The following ADAM19 variants were observed in gnomAD, a reference collection of about 807,000 sequenced individuals.
ADAM19 encodes the protein ADAM metallopeptidase domain 19, also known as disintegrin and metalloproteinase domain-containing protein 19.
ADAM19 carries 65 observed loss-of-function variants against 114.7 expected under a neutral mutation model. The observed-to-expected ratio is 0.57, with a 90% CI of 0.46 to 0.70. The LOEUF (loss-of-function observed/expected upper bound fraction) is 0.70, where lower values mean the gene tolerates loss of function less well. Among genes scored for constraint, ADAM19 ranks in the 30% least tolerant of loss-of-function variants. The pLI is 0.00. For missense variants in ADAM19, 1,063 were observed against 1,204.7 expected (o/e 0.88, Z 1.74); for synonymous variants, 466 against 460.5 (o/e 1.01, Z -0.15).
At chr5:157,482,757 G>A (rs913664329) in intron 21 of ADAM19, among the ~76,000 whole-genome samples, 9 of 152,170 alleles carry the variant, frequency 5.9e-5, no homozygotes, top group East Asian at 1.9e-4. Flanking sequence ...ACATGTACAC[G>A]TATGTTTATT....
Position 157,572,808 on chromosome 5 carries a change from G to A in ADAM19, c.95-1828C>T, listed in dbSNP as rs146781067. ...TCACAACCTGTAATCTCAGCACTTT[G>A]GAGGTCCGAGGTGGGCGGATCACCT... On this transcript the variant is annotated intron_variant, in intron 1 of 22. Transcript: ENST00000257527. Among the ~76,000 whole-genome samples, 43 of 152,306 alleles carry A rather than the reference G, an allele frequency of 2.8e-4. No individual in the cohort carries two copies. In the East Asian group the frequency reaches 8.3e-3, roughly 29 times the overall value.
At chr5:157,542,064 T>C (rs1386970849) in intron 3 of ADAM19, among the ~76,000 whole-genome samples, 1 of 152,188 alleles carries the variant, frequency 6.6e-6, no homozygotes, top group Non-Finnish European at 1.5e-5. Flanking sequence ...ATTTATACCC[T>C]GATGATGCCT....
At chr5:157,495,421 G>A (rs1304202317) in intron 14 of ADAM19, among the ~76,000 whole-genome samples, 1 of 152,100 alleles carries the variant, frequency 6.6e-6, no homozygotes, top group Non-Finnish European at 1.5e-5. Context: ...TAAAAAATAG[G>A]TCATACATGC....
intron 3 of ADAM19, among the ~76,000 whole-genome samples, chr5:157,543,928 CT>C (rs1248490824): frequency 6.6e-6 from 1 of 152,122 alleles, no homozygotes; most frequent in Non-Finnish European, 1.5e-5. Flanking sequence ...TTCTAAGATG[CT>C]GAAAGAAAAG....
In ADAM19 at chr5:157,530,848, T is replaced by C. The variant is rs2113755758; in HGVS notation, c.366A>G (p.Thr122=). 1 of 1,614,202 alleles carries C rather than the reference T, an allele frequency of 6.2e-7. No homozygotes were observed. The highest frequency in any genetic ancestry group is 1.6e-4 in the Middle Eastern group (1 of 6,062). The change falls in exon 5 of 23, where the codon ACA becomes ACG. Residue 122 remains threonine, a synonymous_variant. Transcript: ENST00000257527. ...HCFYHGTVRE[T]ELSSVTLSTC... ...TGCTGAGCGTGACGCTGGACAGTTC[T>C]GTCTCCCTCACCGTGCCGTGGTAAA...
At chr5:157,488,990 A>G in intron 20 of ADAM19, 112 bp downstream of exon 20, 1 of 789,380 alleles carries the variant, frequency 1.3e-6, no homozygotes, top group Non-Finnish European at 2.1e-6. Flanking sequence ...AGATGGCGCC[A>G]CTGTACTCCA....
chr5:157,500,787 C>A (rs766775688), intron 12 of ADAM19, among the ~76,000 whole-genome samples: 1 of 152,144 alleles, frequency 6.6e-6, no homozygotes, highest in East Asian at 1.9e-4. Flanking sequence ...GATTATGAGG[C>A]GTTCCAGTGA....
chr5:157,488,567 A>C, intron 20 of ADAM19, 78 bp from the exon 21 acceptor site: 1 of 1,193,290 alleles, frequency 8.4e-7, no homozygotes, highest in Non-Finnish European at 1.2e-6. Flanking sequence ...GAGATAAACC[A>C]GAGCCCAAAG....
chr5:157,547,324 C>A (rs1033755325), intron 3 of ADAM19, among the ~76,000 whole-genome samples: 15 of 152,176 alleles, frequency 9.9e-5, no homozygotes, highest in African/African-American at 3.6e-4. Flanking sequence ...TTGAATGTAT[C>A]CCCGCAAAAG....
In ADAM19 at chr5:157,575,634, C is replaced by T; in HGVS notation, c.63G>A (p.Arg21=). The T allele has an allele frequency of 6.9e-7, 1 of 1,439,226 alleles. No individual in the cohort carries two copies. The highest frequency in any genetic ancestry group is 1.4e-5 in the South Asian group (1 of 72,518). The allele number at this position is 1,439,226 out of a possible 1,614,324, so 89.2% of individuals were successfully genotyped here. ...CLLAFALQPL[R]PRAAREPGWT... ...ATCCAGGCTCCCGCGCCGCCCGCGG[C>T]CGGAGGGGCTGCAGGGCAAACGCCA... The change falls in exon 1 of 23, where the codon CGG becomes CGA. Residue 21 remains arginine (R), a synonymous_variant. Transcript: ENST00000257527.
intron 19 of ADAM19, among the ~76,000 whole-genome samples, chr5:157,489,815 G>T (rs546478779): frequency 2.0e-5 from 3 of 152,122 alleles, no homozygotes; most frequent in African/African-American, 4.8e-5. Flanking sequence ...GTGAAACCCC[G>T]TCTCTACTAA....
At chr5:157,536,439 C>T (rs1432398206) in intron 4 of ADAM19, among the ~76,000 whole-genome samples, 2 of 152,162 alleles carry the variant, frequency 1.3e-5, no homozygotes, top group East Asian at 3.9e-4. Flanking sequence ...AATAGCTTGG[C>T]CAACATGGTG....
chr5:157,481,816 C>T lies in ADAM19; in HGVS notation c.2678G>A (p.Arg893Gln), dbSNP rs542908072. 40 of 1,578,258 alleles carry T rather than the reference C, an allele frequency of 2.5e-5. No individual in the cohort carries two copies. Among genetic ancestry groups the T allele is most frequent in the Middle Eastern group, 3.3e-4 (2 of 6,018 alleles). Residue 893 changes from arginine (R) to glutamine (Q), a missense_variant, in exon 22 of 23, where the codon CGG becomes CAG. Arg to Gln is a conservative substitution (Grantham distance 43, BLOSUM62 1). This residue lies in a region of ADAM19 where 424 missense variants were observed against 445.5 expected (regional missense o/e 0.95). Coordinates refer to ENST00000257527, the MANE Select transcript of ADAM19 (RefSeq NM_033274.5). ...RPPGAGPQQSRPLAALAPKFP... is the reference protein window; with the variant it reads ...RPPGAGPQQSQPLAALAPKFP... ...CTTTGGGGCAAGTGCTGCCAGAGGC[C>T]GGGACTGCTGAGGGCCAGCACCAGG...
intron 3 of ADAM19, among the ~76,000 whole-genome samples, chr5:157,556,209 C>CTTTTT (rs68078503): frequency 0.015 from 965 of 66,208 alleles, no homozygotes; most frequent in Non-Finnish European, 0.018. Flanking sequence ...TTTTCTTTTT[C>CTTTTT]TTTTTTTTTT....
intron 3 of ADAM19, among the ~76,000 whole-genome samples, chr5:157,545,145 A>C (rs1280345788): frequency 4.9e-4 from 75 of 152,202 alleles, no homozygotes; most frequent in Non-Finnish European, 7.3e-5. Flanking sequence ...AAACTTGCCC[A>C]ATGTTTCTTA....
chr5:157,499,484 G>A (rs1415840785), intron 13 of ADAM19, 89 bp downstream of exon 13: 9 of 1,157,464 alleles, frequency 7.8e-6, no homozygotes, highest in Non-Finnish European at 1.2e-5. Context: ...CAGGATGGAG[G>A]CAAATCCCCA....
At chr5:157,483,925 G>A (rs1027183113) in intron 21 of ADAM19, among the ~76,000 whole-genome samples, 32 of 150,598 alleles carry the variant, frequency 2.1e-4, no homozygotes, top group African/African-American at 6.6e-4. Context: ...GAGCCACCAC[G>A]CCCAGCCCTT....
intron 21 of ADAM19, among the ~76,000 whole-genome samples, chr5:157,487,932 T>G (rs993808238): frequency 6.6e-6 from 1 of 151,978 alleles, no homozygotes; most frequent in African/African-American, 2.4e-5. Context: ...AAGGAGCGTA[T>G]CAGGCAGAAC....
chr5:157,496,782 A>T, intron 14 of ADAM19, 112 bp downstream of exon 14: 2 of 867,960 alleles, frequency 2.3e-6, no homozygotes, highest in Non-Finnish European at 3.4e-6. Flanking sequence ...TGAAAGAGGT[A>T]GTATCTAGAG....
Sources: allele counts gnomAD v4.1 joint callset (sites outside exome capture counted in the v4.1 genomes callset), GRCh38; gene constraint gnomAD v4.1.1; regional missense constraint gnomAD v4.1.1; transcripts MANE v1.5; gene names NCBI Gene and HGNC (gene_info 2026-07-23, HGNC 2026-07-21).